CDH13: variants seen among roughly 807,000 people sequenced by gnomAD.
CDH13 encodes the protein cadherin 13, also known as cadherin-13.
A neutral mutation model predicts 63.8 loss-of-function variants in CDH13; 24 were observed. The ratio of observed to expected loss-of-function variants is 0.38; its 90% CI spans 0.27 to 0.53. The LOEUF (loss-of-function observed/expected upper bound fraction) is 0.53, where lower values mean the gene tolerates loss of function less well. Ranked by LOEUF, CDH13 falls within the 20% of genes least tolerant of loss-of-function variation. The pLI, the probability that CDH13 is intolerant of heterozygous loss-of-function variation, is 0.85. For missense variants in CDH13, 1,049 were observed against 903.1 expected (o/e 1.16, Z -2.07); for synonymous variants, 503 against 355.3 (o/e 1.42, Z -4.67).
intron 5 of CDH13, among the ~76,000 whole-genome samples, chr16:83,228,496 G>C (rs1461145589): frequency 6.6e-6 from 1 of 152,230 alleles, no homozygotes; most frequent in East Asian, 1.9e-4. Flanking sequence ...CTGGGGCAAT[G>C]ATTTGCAACA....
At chr16:83,549,363 G>A (rs2075448415) in intron 7 of CDH13, among the ~76,000 whole-genome samples, 1 of 152,214 alleles carries the variant, frequency 6.6e-6, no homozygotes, top group African/African-American at 2.4e-5. Flanking sequence ...AAGGAAAGGA[G>A]TTTCAGAAGA....
intron 5 of CDH13, among the ~76,000 whole-genome samples, chr16:83,268,934 C>G (rs1001450077): frequency 6.4e-5 from 3 of 46,852 alleles, no homozygotes; most frequent in Non-Finnish European, 9.4e-5. Context: ...AAGCCAAAGA[C>G]CAGAGCAGAG....
chr16:82,927,638 A>C (rs1004183588), intron 2 of CDH13, among the ~76,000 whole-genome samples: 5 of 152,168 alleles, frequency 3.3e-5, no homozygotes, highest in African/African-American at 1.2e-4. Context: ...CTTCCCTAGT[A>C]AGTGATCCCA....
intron 1 of CDH13, among the ~76,000 whole-genome samples, chr16:82,638,427 C>G (rs757979132): frequency 6.6e-6 from 1 of 152,162 alleles, no homozygotes; most frequent in African/African-American, 2.4e-5. Context: ...ATTAAAACAA[C>G]TGAAAAGGAA....
chr16:82,741,887 A>T (rs895051809), intron 1 of CDH13, among the ~76,000 whole-genome samples: 8 of 152,200 alleles, frequency 5.3e-5, no homozygotes, highest in African/African-American at 7.2e-5. Flanking sequence ...CTCTTTCTCA[A>T]GTACTTAAAT....
chr16:82,970,828 A>G (rs1158110010), intron 2 of CDH13, among the ~76,000 whole-genome samples: 1 of 152,194 alleles, frequency 6.6e-6, no homozygotes, highest in African/African-American at 2.4e-5. Flanking sequence ...AATGACTATA[A>G]TGACTTGTTT....
intron 4 of CDH13, among the ~76,000 whole-genome samples, chr16:83,129,112 G>C (rs890453687): frequency 1.3e-5 from 2 of 151,964 alleles, no homozygotes; most frequent in African/African-American, 4.8e-5. Flanking sequence ...CACAGCTGAC[G>C]AGCTGTGCTC....
chr16:83,345,051 G>A, intron 6 of CDH13, 45 bp downstream of exon 6: 2 of 1,596,884 alleles, frequency 1.3e-6, no homozygotes, highest in Non-Finnish European at 8.6e-7. Context: ...TTGGAAAGAG[G>A]CACACTTTGA....
At chr16:83,747,344 G>T (rs1323719551) in intron 10 of CDH13, among the ~76,000 whole-genome samples, 1 of 152,120 alleles carries the variant, frequency 6.6e-6, no homozygotes, top group African/African-American at 2.4e-5. Flanking sequence ...TAAGTCCCAT[G>T]AGATATGATG....
Position 82,873,227 on chromosome 16 carries a change from T to G in CDH13, c.157+14754T>G, listed in dbSNP as rs1207172697. Among the ~76,000 whole-genome samples the G allele has an allele frequency of 2.0e-5, 3 of 152,196 alleles. No homozygotes were observed. The East Asian group carries it at 5.8e-4, about 29-fold the overall frequency. ...GAGTGGGTTCTTCAGTTTGAGATACTGTGATCCAGGAGGAGGGCTGTCATT... is the reference window on the plus strand; with the variant it reads ...GAGTGGGTTCTTCAGTTTGAGATACGGTGATCCAGGAGGAGGGCTGTCATT... On this transcript the variant is annotated intron_variant, in intron 2 of 13. Transcript: ENST00000567109.
intron 3 of CDH13, among the ~76,000 whole-genome samples, chr16:83,043,392 G>A (rs892750254): frequency 2.1e-4 from 32 of 151,894 alleles, no homozygotes; most frequent in African/African-American, 7.3e-4. Flanking sequence ...GAAATGTAAT[G>A]AAAGCCACGT....
rs181246545 is a variant in CDH13, at chr16:83,473,390, C to G, written c.782-13087C>G. On this transcript the variant is annotated intron_variant, in intron 6 of 13. Coordinates refer to ENST00000567109, the MANE Select transcript of CDH13 (RefSeq NM_001257.5). ...TTGCTAGCACTTTCTTCCCGTTGAA[C>G]ACGGAGTCTGAATTGTGTGGTATTT... is the stretch of plus-strand genomic sequence containing the variant. 1.5e-3 allele frequency among the ~76,000 whole-genome samples: 222 copies of G among 152,302 alleles called. 1 individual carries two copies. Among genetic ancestry groups the G allele is most frequent in the African/African-American group, 5.2e-3 (214 of 41,546 alleles).
chr16:83,416,329 C>G (rs938527747), intron 6 of CDH13, among the ~76,000 whole-genome samples: 1 of 152,144 alleles, frequency 6.6e-6, no homozygotes, highest in Non-Finnish European at 1.5e-5. Context: ...CCAAAATTAT[C>G]TACAGATTTA....
At chr16:83,361,421 A>G (rs2091159234) in intron 6 of CDH13, among the ~76,000 whole-genome samples, 2 of 152,016 alleles carry the variant, frequency 1.3e-5, no homozygotes, top group East Asian at 3.9e-4. Context: ...TGCTGTGCAG[A>G]TCTTTAGTTT....
chr16:83,139,507 A>G (rs942745724), intron 4 of CDH13, among the ~76,000 whole-genome samples: 1 of 152,084 alleles, frequency 6.6e-6, no homozygotes, highest in African/African-American at 2.4e-5. Flanking sequence ...GTGTTGCTCA[A>G]TTTTTAGTTC....
chr16:83,011,972 A>G (rs1477491816), intron 2 of CDH13, among the ~76,000 whole-genome samples: 2 of 151,964 alleles, frequency 1.3e-5, no homozygotes, highest in African/African-American at 2.4e-5. Context: ...TTCTCCTTTT[A>G]TTTCTCACCC....
At chr16:83,236,349 G>C (rs989642673) in intron 5 of CDH13, among the ~76,000 whole-genome samples, 1 of 152,044 alleles carries the variant, frequency 6.6e-6, no homozygotes. Context: ...GTTTGACATA[G>C]TAAAGATATT....
chr16:83,131,544 A>G (rs755018986), intron 4 of CDH13, among the ~76,000 whole-genome samples: 1 of 152,124 alleles, frequency 6.6e-6, no homozygotes, highest in Non-Finnish European at 1.5e-5. Flanking sequence ...TTTCACTGAT[A>G]ACTAATTGAT....
chr16:83,676,473 G>T (rs191051139), intron 9 of CDH13, among the ~76,000 whole-genome samples: 5 of 152,314 alleles, frequency 3.3e-5, no homozygotes, highest in Non-Finnish European at 7.3e-5. Flanking sequence ...AAGCATGGCA[G>T]CTCCCTGGCC....
Sources: gnomAD v4.1 joint callset for allele counts (sites outside exome capture counted in the v4.1 genomes callset) on GRCh38, gnomAD v4.1.1 for gene constraint, MANE v1.5 for transcripts, NCBI Gene and HGNC (gene_info 2026-07-23, HGNC 2026-07-21) for gene names.